Variants in PTK7 observed in about 807,000 individuals in gnomAD.
PTK7 encodes the protein protein tyrosine kinase 7 (inactive), also known as inactive tyrosine-protein kinase 7.
Under a neutral mutation model 116.6 loss-of-function variants are expected in PTK7, and 39 were observed. The ratio of observed to expected loss-of-function variants is 0.33; its 90% CI spans 0.26 to 0.44. The LOEUF is 0.44. Among genes scored for constraint, PTK7 ranks in the 20% least tolerant of loss-of-function variants. The pLI, the probability that PTK7 is intolerant of heterozygous loss-of-function variation, is 1.00. For missense variants in PTK7, 1,169 were observed against 1,425.6 expected (o/e 0.82, Z 2.90); for synonymous variants, 546 against 563.6 (o/e 0.97, Z 0.44).
At chr6:43,131,029 TCACACACACACACACA>T (rs3222659) in intron 5 of PTK7, among the ~76,000 whole-genome samples, 88 of 133,838 alleles carry the variant, frequency 6.6e-4, no homozygotes, top group South Asian at 3.7e-3. Flanking sequence ...GGCAAAGACA[TCACACACACACACACA>T]CACACACACA....
rs556135744 is a variant in PTK7, at chr6:43,099,857, T to C, written c.79+23290T>C. Among the ~76,000 whole-genome samples, 175 of 151,958 alleles carry C rather than the reference T, an allele frequency of 1.2e-3. 6 individuals are homozygous for C. In the South Asian group the frequency reaches 0.035, roughly 31 times the overall value. On this transcript the variant is annotated intron_variant, in intron 1 of 19. Transcript: ENST00000230419. ...GGCCGAGGCAGGCAGATCACTTGAGTGCAGGAGTTCGAGACCAGCTTTTGA... is the reference window on the plus strand; with the variant it reads ...GGCCGAGGCAGGCAGATCACTTGAGCGCAGGAGTTCGAGACCAGCTTTTGA...
At chr6:43,131,689 G>A in intron 5 of PTK7, 1 of 365,972 alleles carries the variant, frequency 2.7e-6, no homozygotes, top group Non-Finnish European at 5.1e-6. Flanking sequence ...CCCACAACAT[G>A]TGGGAATTAT....
chr6:43,129,812 C>A lies in PTK7; in HGVS notation c.453C>A (p.His151Gln), dbSNP rs763634529. Residue 151 changes from histidine to glutamine, a missense_variant, in exon 3 of 20, where the codon CAC becomes CAA. Coordinates refer to ENST00000230419, the MANE Select transcript of PTK7 (RefSeq NM_002821.5). This position sits in a 1 kb window ranked among gnomAD's most constrained non-coding sequence, Gnocchi z 4.5. ...AGACCCAGGTCACACTTCGTTGCCA[C>A]ATTGATGGGCACCCTCGGTAAGGAG... is the stretch of plus-strand genomic sequence containing the variant. ...QPQTQVTLRC[H>Q]IDGHPRPTYQ... The A allele has an allele frequency of 6.2e-7, 1 of 1,614,092 alleles. No individual in the cohort carries two copies. The highest frequency in any genetic ancestry group is 8.5e-7 in the Non-Finnish European group (1 of 1,179,948).
Position 43,143,714 on chromosome 6 carries a change from C to T in PTK7, c.2251+94C>T, listed in dbSNP as rs1428269752. 58 of 1,355,054 alleles carry T rather than the reference C, an allele frequency of 4.3e-5. No homozygotes were observed. The highest frequency in any genetic ancestry group is 5.5e-5 in the Non-Finnish European group (55 of 1,004,292). 83.9% of individuals were successfully genotyped at this position (1,355,054 alleles called of 1,614,324 possible). A position where few individuals can be genotyped will look rare whatever the true frequency, so the allele number is the denominator to read the frequency against. ...GGGAGAGCGCCAGCACTCTGGAAAC[C>T]GAGCGGCTGTTGCTGGGTCCTGGAG... On this transcript the variant is annotated intron_variant, in intron 14 of 19. Transcript: ENST00000230419. This position sits in a 1 kb window ranked among gnomAD's most constrained non-coding sequence, Gnocchi z 4.2.
chr6:43,157,376 C>CTT (rs71547832), intron 17 of PTK7, among the ~76,000 whole-genome samples: 3 of 21,880 alleles, frequency 1.4e-4, no homozygotes, highest in East Asian at 1.7e-3. Context: ...TTTTTTTTTT[C>CTT]TTTTTTTTTT....
Position 43,138,927 on chromosome 6 carries a change from A to G in PTK7, c.1307A>G (p.Gln436Arg), listed in dbSNP as rs1180931800. The G allele has an allele frequency of 4.3e-6, 7 of 1,614,196 alleles. No homozygotes were observed. The highest frequency in any genetic ancestry group is 1.1e-5 in the South Asian group (1 of 91,080). The part of the protein sequence containing the change: ...GKPGYLDCLT[Q>R]ATPKPTVVWY... ...CCCGGCTACTTGGATTGCCTGACCCAGGCCACACCAAAACCTACAGTTGTC... is the reference window on the plus strand; with the variant it reads ...CCCGGCTACTTGGATTGCCTGACCCGGGCCACACCAAAACCTACAGTTGTC... The change falls in exon 8 of 20, where the codon CAG becomes CGG. Residue 436 changes from glutamine (Q) to arginine (R), a missense_variant. Physicochemically the swap from Gln to Arg is conservative, Grantham distance 43. Coordinates refer to ENST00000230419, the MANE Select transcript of PTK7 (RefSeq NM_002821.5).
intron 17 of PTK7, among the ~76,000 whole-genome samples, chr6:43,153,229 G>C (rs931269055): frequency 1.3e-5 from 2 of 151,936 alleles, no homozygotes; most frequent in South Asian, 4.2e-4. Context: ...TCCTGCCTCA[G>C]CCTCCCGAGT....
intron 1 of PTK7, among the ~76,000 whole-genome samples, chr6:43,078,472 T>C (rs1216431843): frequency 6.6e-6 from 1 of 152,136 alleles, no homozygotes; most frequent in Non-Finnish European, 1.5e-5. Flanking sequence ...CCGAGGCGCC[T>C]GCTGTCTTCT....
intron 17 of PTK7, 52 bp from the exon 18 acceptor site, chr6:43,158,765 C>T: frequency 1.3e-6 from 2 of 1,577,330 alleles, no homozygotes; most frequent in Non-Finnish European, 1.7e-6. Flanking sequence ...TGAGGGTGGT[C>T]ATCTTGATGC....
intron 16 of PTK7, 135 bp from the exon 17 acceptor site, chr6:43,146,483 G>T: frequency 1.4e-6 from 1 of 720,048 alleles, no homozygotes; most frequent in Middle Eastern, 3.5e-4. Flanking sequence ...CTTCCCCCTG[G>T]GAAAGGGGCC....
At chr6:43,157,364 A>ATATATTTTTT (rs70990168) in intron 17 of PTK7, among the ~76,000 whole-genome samples, 2 of 54,362 alleles carry the variant, frequency 3.7e-5, no homozygotes, top group South Asian at 7.9e-4. Context: ...ATATATATAT[A>ATATATTTTTT]TTTTTTTTTT....
chr6:43,108,250 A>G (rs900694472), intron 1 of PTK7, among the ~76,000 whole-genome samples: 3 of 151,984 alleles, frequency 2.0e-5, no homozygotes, highest in Admixed American at 1.3e-4. Context: ...GCCTGCCACC[A>G]TGCCTGGCTA....
chr6:43,094,249 C>G (rs1190108530), intron 1 of PTK7, among the ~76,000 whole-genome samples: 1 of 152,094 alleles, frequency 6.6e-6, no homozygotes. Flanking sequence ...AGTTGGAGGA[C>G]GTCGGTGTGA....
intron 1 of PTK7, among the ~76,000 whole-genome samples, chr6:43,083,804 C>A (rs1364910364): frequency 6.6e-6 from 1 of 152,184 alleles, no homozygotes; most frequent in African/African-American, 2.4e-5. Context: ...GAAGTGTAAG[C>A]CTTGATAAGC....
intron 1 of PTK7, among the ~76,000 whole-genome samples, chr6:43,080,891 G>A (rs557671706): frequency 1.0e-3 from 153 of 151,968 alleles, no homozygotes; most frequent in African/African-American, 3.5e-3. Flanking sequence ...GCAGTGAGCC[G>A]AGATCGCGCC....
intron 13 of PTK7, 139 bp downstream of exon 13, chr6:43,142,438 C>T: frequency 9.2e-6 from 12 of 1,298,206 alleles, no homozygotes; most frequent in Non-Finnish European, 1.3e-5. Context: ...TCTCACCATG[C>T]TGCTGCACAG....
rs573078177 is a variant in PTK7 at position 43,142,440 on chromosome 6, G to C, written c.2047+141G>C. 9.3e-6 allele frequency: 12 copies of C among 1,289,084 alleles called. No homozygotes were observed. The East Asian group carries it at 2.2e-4, about 24-fold the overall frequency. 79.9% of individuals were successfully genotyped at this position (1,289,084 alleles called of 1,614,324 possible). ...GGGGATTCGGCCGTCTCACCATGCT[G>C]CTGCACAGTCTTAGAGTCCTTGCTC... is the stretch of plus-strand genomic sequence containing the variant. On this transcript the variant is annotated intron_variant, in intron 13 of 19. Transcript: ENST00000230419.
rs192759295 is a variant in PTK7 at position 43,076,969 on chromosome 6, C to A, written c.79+402C>A. On this transcript the variant is annotated intron_variant, in intron 1 of 19. Transcript: ENST00000230419. The surrounding 1 kb of genome is among the most constrained non-coding windows in gnomAD (Gnocchi z 5.7). ...GAGAAAAAGGAATTCCCCACCCCAC[C>A]CGGCAGGGTCGGCCCAGGTAAGAGT... 4.7e-3 allele frequency: 7,156 copies of A among 1,508,026 alleles called. 20 individuals carry two copies. Among genetic ancestry groups the A allele is most frequent in the Non-Finnish European group, 5.5e-3 (6,187 of 1,127,734 alleles). The allele number at this position is 1,508,026 out of a possible 1,614,324, so 93.4% of individuals were successfully genotyped here.
Position 43,151,307 on chromosome 6 carries a change from G to C in PTK7, c.2721+4609G>C, listed in dbSNP as rs1416261481. Reference sequence around the variant, plus strand: ...GCTCACTGCAAGCTCCGCCTCCCGGGTTCACGCCATTCTCCTGCCTCAGCC... The same window carrying C: ...GCTCACTGCAAGCTCCGCCTCCCGGCTTCACGCCATTCTCCTGCCTCAGCC... On this transcript the variant is annotated intron_variant, in intron 17 of 19. Coordinates refer to ENST00000230419, the MANE Select transcript of PTK7 (RefSeq NM_002821.5). 4.1e-5 allele frequency among the ~76,000 whole-genome samples: 6 copies of C among 145,438 alleles called. 1 individual carries two copies. The Middle Eastern group carries it at 0.013, about 308-fold the overall frequency.
Sources: allele counts gnomAD v4.1 joint callset (sites outside exome capture counted in the v4.1 genomes callset), GRCh38; gene constraint gnomAD v4.1.1; non-coding constraint Gnocchi (gnomAD v3.1); transcripts MANE v1.5; gene names NCBI Gene and HGNC (gene_info 2026-07-23, HGNC 2026-07-21).